Variants in MMP13 observed in about 807,000 individuals in gnomAD.
The protein encoded by MMP13 is collagenase 3.
A neutral mutation model predicts 52.1 loss-of-function variants in MMP13; 45 were observed. The ratio of observed to expected loss-of-function variants is 0.86; its 90% CI spans 0.68 to 1.11. The LOEUF is 1.11. Among genes scored for constraint, MMP13 ranks in the 50% least tolerant of loss-of-function variants. MMP13 has a pLI of 0.00. For missense variants in MMP13, 576 were observed against 583.8 expected, an observed-to-expected ratio of 0.99 and a Z score of 0.14; for synonymous variants, 200 against 204.4, an observed-to-expected ratio of 0.98 and a Z score of 0.18.
Position 102,948,626 on chromosome 11 carries a change from G to A in MMP13, c.1051+399C>T, listed in dbSNP as rs145448674. Among the ~76,000 whole-genome samples the A allele has an allele frequency of 2.7e-3, 414 of 152,168 alleles. 2 individuals are homozygous for A. The highest frequency in any genetic ancestry group is 9.3e-3 in the African/African-American group (385 of 41,528). ...GTATCTATACTATGAAAATAAATAT[G>A]TAAAAATTTGTATTACATAATGAAA... is the stretch of plus-strand genomic sequence containing the variant. On this transcript the variant is annotated intron_variant, in intron 7 of 9. Coordinates refer to ENST00000260302, the MANE Select transcript of MMP13 (RefSeq NM_002427.4).
chr11:102,951,050 A>G (rs1188576403), intron 5 of MMP13, among the ~76,000 whole-genome samples: 3 of 152,168 alleles, frequency 2.0e-5, no homozygotes, highest in Non-Finnish European at 4.4e-5. Context: ...GTTTACACTG[A>G]TGACTGTGTA....
Position 102,954,587 on chromosome 11 carries a change from CAG to C in MMP13, c.380_381del (p.Pro127ArgfsTer6), listed in dbSNP as rs1860667320. 6.2e-7 allele frequency: 1 copy of C among 1,613,470 alleles called. No homozygotes were observed. The highest frequency in any genetic ancestry group is 8.5e-7 in the Non-Finnish European group (1 of 1,179,630). The stretch of plus-strand genomic sequence containing the variant: ...TTTTCGACTTCAGAATGAGTCATAT[CAG>C]GGGTGTAATTCACAATTCTATTTAA... Reference protein sequence around the residue: ...NLTYRIVNYTPDMTHSEVEKA... With the variant: ...NLTYRIVNYTXDMTHSEVEKA... On this transcript the variant is annotated frameshift_variant, in exon 3 of 10. Transcript: ENST00000260302. LOFTEE classifies it high-confidence loss of function.
rs1860626674 is a variant in MMP13, at chr11:102,952,308, T to C, written c.638-135A>G. ...CTTTTCTCTTTCTTCAGTCTCCTAC[T>C]TTTTAAAATCAATATTCAGTTGCTT... On this transcript the variant is annotated intron_variant, in intron 4 of 9. Coordinates refer to ENST00000260302, the MANE Select transcript of MMP13 (RefSeq NM_002427.4). The surrounding 1 kb of genome is among the most constrained non-coding windows in gnomAD (Gnocchi z 4.3). 6 of 928,158 alleles carry C rather than the reference T, an allele frequency of 6.5e-6. No homozygotes were observed. The East Asian group carries it at 1.1e-4, about 16-fold the overall frequency. The allele number at this position is 928,158 out of a possible 1,614,324, so 57.5% of individuals were successfully genotyped here. A position where few individuals can be genotyped will look rare whatever the true frequency, so the allele number is the denominator to read the frequency against.
chr11:102,946,369 G>A (rs1860507417), intron 8 of MMP13, among the ~76,000 whole-genome samples: 1 of 152,178 alleles, frequency 6.6e-6, no homozygotes, highest in African/African-American at 2.4e-5. Flanking sequence ...TGTTACTGAT[G>A]AGAGCTTTTT....
At chr11:102,946,158 A>G (rs1170033991) in intron 8 of MMP13, among the ~76,000 whole-genome samples, 1 of 152,238 alleles carries the variant, frequency 6.6e-6, no homozygotes, top group Non-Finnish European at 1.5e-5. Context: ...TAATGGCTAC[A>G]AAAATATTTA....
chr11:102,945,758 A>G lies in MMP13; in HGVS notation c.1212-9T>C. The G allele has an allele frequency of 6.9e-7, 1 of 1,458,100 alleles. No individual in the cohort carries two copies. Among genetic ancestry groups the G allele is most frequent in the Non-Finnish European group, 9.6e-7 (1 of 1,042,642 alleles). 90.3% of individuals were successfully genotyped at this position (1,458,100 alleles called of 1,614,324 possible). A position where few individuals can be genotyped will look rare whatever the true frequency, so the allele number is the denominator to read the frequency against. ...GGTTAGTATCATCATATCTATTTAA[A>G]GAAAAAAAACTCCTAAGTCAGTTAT... On this transcript the variant is annotated splice_polypyrimidine_tract_variant and intron_variant, in intron 8 of 9. Coordinates refer to ENST00000260302, the MANE Select transcript of MMP13 (RefSeq NM_002427.4).
rs781565326 is a variant in MMP13, at chr11:102,955,298, C to G, written c.316G>C (p.Val106Leu). Reference sequence around the variant, plus strand: ...GACCATTTAAGAGTTCGAGGGAAAACATTGTATTCACCCACATCAGGAACC... The same window carrying G: ...GACCATTTAAGAGTTCGAGGGAAAAGATTGTATTCACCCACATCAGGAACC... ...CGVPDVGEYNVFPRTLKWSKM... is the reference protein window; with the variant it reads ...CGVPDVGEYNLFPRTLKWSKM... Residue 106 changes from valine to leucine, a missense_variant, in exon 2 of 10, where the codon GTT becomes CTT. By Grantham distance (32) the Val-to-Leu change is conservative. Transcript: ENST00000260302. The surrounding 1 kb of genome is among the most constrained non-coding windows in gnomAD (Gnocchi z 4.9). 4.4e-5 allele frequency: 71 copies of G among 1,613,782 alleles called. No individual in the cohort carries two copies. The Admixed American group carries it at 1.2e-3, about 27-fold the overall frequency.
At position 102,954,566 on chromosome 11, in the gene MMP13, C is replaced by G. The variant is rs759134930; in HGVS notation, c.403G>C (p.Glu135Gln). The G allele has an allele frequency of 1.0e-4, 164 of 1,613,382 alleles. No individual in the cohort carries two copies. Among genetic ancestry groups the G allele is most frequent in the Non-Finnish European group, 1.4e-4 (161 of 1,179,674 alleles). ...TTGAAGGCTTTTTTGAATGCCTTTT[C>G]GACTTCAGAATGAGTCATATCAGGG... The part of the protein sequence containing the change: ...YTPDMTHSEV[E>Q]KAFKKAFKVW... The change falls in exon 3 of 10, where the codon GAA becomes CAA. Residue 135 changes from glutamate (E) to glutamine (Q), a missense_variant. By Grantham distance (29) the Glu-to-Gln change is conservative. Transcript: ENST00000260302.
rs1860576729 is a variant in MMP13, at chr11:102,949,696, G to C, written c.917+414C>G. 6.6e-6 allele frequency among the ~76,000 whole-genome samples: 1 copy of C among 152,062 alleles called. No individual in the cohort carries two copies. The highest frequency in any genetic ancestry group is 1.5e-5 in the Non-Finnish European group (1 of 68,030). On this transcript the variant is annotated intron_variant, in intron 6 of 9. Transcript: ENST00000260302. This position sits in a 1 kb window ranked among gnomAD's most constrained non-coding sequence, Gnocchi z 4.2. ...ATTAAAATTTTATATTGCATTTCTGGGTTCATTTCATTTCATCCCTCAAAT... is the reference window on the plus strand; with the variant it reads ...ATTAAAATTTTATATTGCATTTCTGCGTTCATTTCATTTCATCCCTCAAAT...
rs1555017031 is a variant in MMP13 at position 102,949,167 on chromosome 11, A to G, written c.918-9T>C. 1 of 1,613,222 alleles carries G rather than the reference A, an allele frequency of 6.2e-7. No individual in the cohort carries two copies. Among genetic ancestry groups the G allele is most frequent in the East Asian group, 2.2e-5 (1 of 44,874 alleles). ...GCAGGCGCCAGAAGAATCTAACACAAAAGTAAAATGGAGTTTTCTGTCACA... is the reference window on the plus strand; with the variant it reads ...GCAGGCGCCAGAAGAATCTAACACAGAAGTAAAATGGAGTTTTCTGTCACA... On this transcript the variant is annotated splice_polypyrimidine_tract_variant and intron_variant, in intron 6 of 9. Coordinates refer to ENST00000260302, the MANE Select transcript of MMP13 (RefSeq NM_002427.4). This position sits in a 1 kb window ranked among gnomAD's most constrained non-coding sequence, Gnocchi z 4.2.
chr11:102,943,065 A>T lies in MMP13; in HGVS notation c.*1201T>A, dbSNP rs1555016210. ...AATACACTTTGCAAATATGCATTTC[A>T]TTTTCTTTGCCTGAGTTTTTATCAA... On this transcript the variant is annotated 3_prime_UTR_variant, in exon 10 of 10. Transcript: ENST00000260302. 6.6e-6 allele frequency: 1 copy of T among 152,134 alleles called. No individual in the cohort carries two copies. The highest frequency in any genetic ancestry group is 1.5e-5 in the Non-Finnish European group (1 of 68,024). The allele number at this position is 152,134 out of a possible 1,614,324, so 9.4% of individuals were successfully genotyped here. A position where few individuals can be genotyped will look rare whatever the true frequency, so the allele number is the denominator to read the frequency against.
Position 102,948,912 on chromosome 11 carries a change from T to C in MMP13, c.1051+113A>G, listed in dbSNP as rs111764316. On this transcript the variant is annotated intron_variant, in intron 7 of 9. Coordinates refer to ENST00000260302, the MANE Select transcript of MMP13 (RefSeq NM_002427.4). ...TGGCTTCCATTTTTTTAATACTTGG[T>C]CTTTAATTTAGGTATATTTTCAGTA... The C allele has an allele frequency of 1.7e-4, 238 of 1,410,794 alleles. 1 individual carries two copies. The highest frequency in any genetic ancestry group is 1.7e-3 in the African/African-American group (118 of 70,820). 87.4% of individuals were successfully genotyped at this position (1,410,794 alleles called of 1,614,324 possible).
Position 102,948,033 on chromosome 11 carries a change from G to A in MMP13, c.1069C>T (p.Leu357Phe), listed in dbSNP as rs781855015. 23 of 1,613,410 alleles carry A rather than the reference G, an allele frequency of 1.4e-5. No homozygotes were observed. Among genetic ancestry groups the A allele is most frequent in the Admixed American group, 3.3e-5 (2 of 59,948 alleles). Residue 357 changes from leucine (L) to phenylalanine (F), a missense_variant, in exon 8 of 10, where the codon CTT becomes TTT. Leu to Phe is a conservative substitution (Grantham distance 22). Coordinates refer to ENST00000260302, the MANE Select transcript of MMP13 (RefSeq NM_002427.4). ...CCTTCCAGAATGTCATAACCATTAAGAGCCCAAAATTTTCTACCTGGAATG... is the reference window on the plus strand; with the variant it reads ...CCTTCCAGAATGTCATAACCATTAAAAGCCCAAAATTTTCTACCTGGAATG... ...FIFRGRKFWA[L>F]NGYDILEGYP...
In MMP13 at chr11:102,948,014, A is replaced by G; in HGVS notation, c.1088T>C (p.Leu363Pro). The change falls in exon 8 of 10, where the codon CTG becomes CCG. Residue 363 changes from leucine to proline, a missense_variant. Transcript: ENST00000260302. ...AGATATTTTTTTGGGATAACCTTCCAGAATGTCATAACCATTAAGAGCCCA... is the reference window on the plus strand; with the variant it reads ...AGATATTTTTTTGGGATAACCTTCCGGAATGTCATAACCATTAAGAGCCCA... ...KFWALNGYDI[L>P]EGYPKKISEL... The G allele has an allele frequency of 6.2e-7, 1 of 1,613,834 alleles. No individual in the cohort carries two copies. The highest frequency in any genetic ancestry group is 8.5e-7 in the Non-Finnish European group (1 of 1,179,838).
chr11:102,947,799 A>T, intron 8 of MMP13, 92 bp downstream of exon 8: 1 of 1,379,676 alleles, frequency 7.2e-7, no homozygotes, highest in Non-Finnish European at 1.0e-6. Flanking sequence ...TGACATTTAC[A>T]ATAGTGTGTA....
At chr11:102,950,568 C>T (rs1056831328) in intron 5 of MMP13, among the ~76,000 whole-genome samples, 5 of 152,230 alleles carry the variant, frequency 3.3e-5, no homozygotes, top group Non-Finnish European at 7.4e-5. Flanking sequence ...AACTAGATTC[C>T]CCTTAAAGCC....
intron 8 of MMP13, among the ~76,000 whole-genome samples, chr11:102,946,545 C>G (rs1860510612): frequency 6.6e-6 from 1 of 152,064 alleles, no homozygotes; most frequent in South Asian, 2.1e-4. Flanking sequence ...GGCAATAACC[C>G]CTGAATGGGG....
rs1007962347 is a variant in MMP13 at position 102,949,556 on chromosome 11, G to A, written c.918-398C>T. Among the ~76,000 whole-genome samples the A allele has an allele frequency of 2.0e-5, 3 of 151,952 alleles. No individual in the cohort carries two copies. Among genetic ancestry groups the A allele is most frequent in the African/African-American group, 4.8e-5 (2 of 41,354 alleles). On this transcript the variant is annotated intron_variant, in intron 6 of 9. Coordinates refer to ENST00000260302, the MANE Select transcript of MMP13 (RefSeq NM_002427.4). This position sits in a 1 kb window ranked among gnomAD's most constrained non-coding sequence, Gnocchi z 4.2. Reference sequence around the variant, plus strand: ...AAAACATACATGAGAAACACCCCCCGCCCCACGAGTACAATGTAATTAGAG... The same window carrying A: ...AAAACATACATGAGAAACACCCCCCACCCCACGAGTACAATGTAATTAGAG...
intron 8 of MMP13, 104 bp from the exon 9 acceptor site, chr11:102,945,853 T>A (rs1860498615): frequency 3.0e-6 from 2 of 675,704 alleles, no homozygotes; most frequent in Non-Finnish European, 2.5e-6. Flanking sequence ...ACAAGAATTT[T>A]AAAATTTTCA....
Sources: allele counts gnomAD v4.1 joint callset (sites outside exome capture counted in the v4.1 genomes callset), GRCh38; gene constraint gnomAD v4.1.1; non-coding constraint Gnocchi (gnomAD v3.1); transcripts MANE v1.5; gene names NCBI Gene and HGNC (gene_info 2026-07-23, HGNC 2026-07-21).